The following KSR2 variants were observed in gnomAD, a reference collection of about 807,000 sequenced individuals.
KSR2 encodes the protein kinase suppressor of ras 2.
In KSR2, 25 loss-of-function variants were observed where a neutral mutation model predicts 107.8. That is an observed-to-expected ratio of 0.23 (90% confidence interval 0.17 to 0.32). KSR2 has a LOEUF of 0.32. Ranked by LOEUF, KSR2 falls within the 10% of genes least tolerant of loss-of-function variation. The pLI is 1.00. For synonymous variants in KSR2, 480 were observed against 507.0 expected (o/e 0.95, Z 0.71); for missense variants, 887 against 1,268.9 (o/e 0.70, Z 4.57).
intron 4 of KSR2, among the ~76,000 whole-genome samples, chr12:117,705,869 A>T (rs1886504959): frequency 1.3e-5 from 2 of 152,090 alleles, no homozygotes; most frequent in Non-Finnish European, 2.9e-5. Context: ...TCTGGAATGC[A>T]TTCCCAGTAT....
intron 4 of KSR2, among the ~76,000 whole-genome samples, chr12:117,668,502 G>A (rs1032570466): frequency 2.6e-5 from 4 of 152,146 alleles, no homozygotes; most frequent in Admixed American, 6.5e-5. Flanking sequence ...ACCCTTCATC[G>A]CTGTGTCCAC....
intron 1 of KSR2, among the ~76,000 whole-genome samples, chr12:117,901,052 T>C (rs766902391): frequency 3.9e-5 from 6 of 152,016 alleles, no homozygotes; most frequent in Non-Finnish European, 7.4e-5. Flanking sequence ...CAGCTTGACA[T>C]TGGGGAAGAG....
intron 9 of KSR2, among the ~76,000 whole-genome samples, chr12:117,548,971 T>C (rs1445624187): frequency 6.6e-6 from 1 of 152,196 alleles, no homozygotes; most frequent in East Asian, 1.9e-4. Flanking sequence ...GAAATAAATG[T>C]GAGCCCCAGT....
At position 117,658,806 on chromosome 12, in the gene KSR2, G is replaced by A. The variant is rs575716078; in HGVS notation, c.1171+8668C>T. 4.6e-4 allele frequency among the ~76,000 whole-genome samples: 70 copies of A among 152,196 alleles called. No individual in the cohort carries two copies. The South Asian group carries it at 8.9e-3, about 19-fold the overall frequency. ...GAAACAAACCCAACCCCCCTGCAGCGCTACCACTTCATAGAAATGAGGTCA... is the reference window on the plus strand; with the variant it reads ...GAAACAAACCCAACCCCCCTGCAGCACTACCACTTCATAGAAATGAGGTCA... On this transcript the variant is annotated intron_variant, in intron 5 of 19. Transcript: ENST00000339824.
At chr12:117,864,232 G>A (rs574586769) in intron 1 of KSR2, among the ~76,000 whole-genome samples, 1 of 152,132 alleles carries the variant, frequency 6.6e-6, no homozygotes, top group South Asian at 2.1e-4. Context: ...CCAATGAAGT[G>A]GGGAGATTAG....
intron 3 of KSR2, among the ~76,000 whole-genome samples, chr12:117,777,708 G>C (rs868589962): frequency 3.9e-5 from 6 of 152,214 alleles, no homozygotes; most frequent in African/African-American, 1.2e-4. Context: ...TCTCACTACT[G>C]TATCACCCAC....
chr12:117,810,314 TATTTA>T (rs1453434782), intron 3 of KSR2, among the ~76,000 whole-genome samples: 3 of 152,196 alleles, frequency 2.0e-5, no homozygotes, highest in African/African-American at 7.2e-5. Flanking sequence ...AATTTTATTT[TATTTA>T]TTTATTTTTG....
intron 7 of KSR2, among the ~76,000 whole-genome samples, chr12:117,573,919 T>C (rs942460651): frequency 6.6e-6 from 1 of 152,156 alleles, no homozygotes; most frequent in South Asian, 2.1e-4. Context: ...TTCCTATCTA[T>C]AGAGTGAAGC....
intron 14 of KSR2, among the ~76,000 whole-genome samples, chr12:117,521,935 C>G (rs74879244): frequency 0.016 from 2,375 of 152,320 alleles, 36 homozygotes; most frequent in Non-Finnish European, 0.026. Context: ...ATGCACAGAG[C>G]CCCTCCCTAA....
intron 16 of KSR2, among the ~76,000 whole-genome samples, chr12:117,481,074 A>AAAAAAAAGAT: frequency 1.3e-5 from 2 of 152,136 alleles, no homozygotes; most frequent in East Asian, 3.9e-4. Context: ...GAAAAAAAGA[A>AAAAAAAAGAT]AAAAAAAGAG....
intron 4 of KSR2, among the ~76,000 whole-genome samples, chr12:117,735,236 G>A (rs1027010853): frequency 6.6e-6 from 1 of 152,136 alleles, no homozygotes; most frequent in African/African-American, 2.4e-5. Flanking sequence ...TATTAAACAG[G>A]TCAAATATCA....
At chr12:117,855,209 T>G (rs114599371) in intron 3 of KSR2, among the ~76,000 whole-genome samples, 1,642 of 152,256 alleles carry the variant, frequency 0.011, 30 homozygotes, top group African/African-American at 0.038. Flanking sequence ...CCTCAGCGGG[T>G]CTTCCTGGGG....
intron 1 of KSR2, among the ~76,000 whole-genome samples, chr12:117,881,429 T>G (rs548060235): frequency 6.6e-6 from 1 of 152,312 alleles, no homozygotes; most frequent in South Asian, 2.1e-4. Context: ...AGCAATTCTT[T>G]CCAGAGAGAA....
chr12:117,828,102 G>C (rs1891823697), intron 3 of KSR2, among the ~76,000 whole-genome samples: 1 of 152,150 alleles, frequency 6.6e-6, no homozygotes, highest in Non-Finnish European at 1.5e-5. Flanking sequence ...GCTACTTCTT[G>C]TATTGATTCC....
At chr12:117,621,221 A>G (rs1882179375) in intron 5 of KSR2, among the ~76,000 whole-genome samples, 1 of 152,174 alleles carries the variant, frequency 6.6e-6, no homozygotes, top group African/African-American at 2.4e-5. Flanking sequence ...ACCTGCCACC[A>G]TGTAAGACAT....
rs374881532 is a variant in KSR2, at chr12:117,785,414, C to CAAAAAAAAAAAAAAA, written c.473-23905_473-23891dup. Among the ~76,000 whole-genome samples, 29 of 37,418 alleles carry CAAAAAAAAAAAAAAA rather than the reference C, an allele frequency of 7.8e-4. 5 individuals are homozygous for CAAAAAAAAAAAAAAA. Among genetic ancestry groups the CAAAAAAAAAAAAAAA allele is most frequent in the Non-Finnish European group, 1.4e-3 (22 of 15,178 alleles). The allele number at this position is 37,418 out of a possible 152,430, so 24.5% of individuals were successfully genotyped here. A position where few individuals can be genotyped will look rare whatever the true frequency, so the allele number is the denominator to read the frequency against. ...TGGGCAACAGAGTGAGACTCCATCT[C>CAAAAAAAAAAAAAAA]AAAAAAAAAAAAAAAAAAAAAAAAA... On this transcript the variant is annotated intron_variant, in intron 3 of 19. Transcript: ENST00000339824.
At position 117,932,960 on chromosome 12, in the gene KSR2, C is replaced by T. The variant is rs370331532; in HGVS notation, c.180+35116G>A. On this transcript the variant is annotated intron_variant, in intron 1 of 19. Coordinates refer to ENST00000339824, the MANE Select transcript of KSR2 (RefSeq NM_173598.6). ...CCTGGGAGGCAGAGGTTGCAGTGAG[C>T]CCAGATAGTGCCATCGCACTCCAGC... Among the ~76,000 whole-genome samples, 47 of 152,226 alleles carry T rather than the reference C, an allele frequency of 3.1e-4. No individual in the cohort carries two copies. The South Asian group carries it at 9.7e-3, about 32-fold the overall frequency.
intron 1 of KSR2, among the ~76,000 whole-genome samples, chr12:117,925,042 C>T (rs1895468352): frequency 1.3e-5 from 2 of 151,800 alleles, no homozygotes; most frequent in Non-Finnish European, 2.9e-5. Flanking sequence ...AGGACAGAAA[C>T]AAATGAAACA....
intron 5 of KSR2, among the ~76,000 whole-genome samples, chr12:117,592,121 CTT>C (rs879610889): frequency 2.4e-4 from 34 of 142,172 alleles, no homozygotes; most frequent in Non-Finnish European, 2.8e-4. Context: ...TTCCCCCCAA[CTT>C]TTTTTTTTTT....
Sources: allele counts gnomAD v4.1 joint callset (sites outside exome capture counted in the v4.1 genomes callset), GRCh38; gene constraint gnomAD v4.1.1; transcripts MANE v1.5; gene names NCBI Gene and HGNC (gene_info 2026-07-23, HGNC 2026-07-21).